MKNK2: variants seen among roughly 807,000 people sequenced by gnomAD.
MKNK2 encodes MAP kinase-interacting serine/threonine-protein kinase 2.
In MKNK2, 54 loss-of-function variants were observed where a neutral mutation model predicts 55.0. The ratio of observed to expected loss-of-function variants is 0.98; its 90% CI spans 0.79 to 1.23. The LOEUF is 1.23. Ranked by LOEUF, MKNK2 falls within the 50% of genes most tolerant of loss-of-function variation. The pLI, the probability that MKNK2 is intolerant of heterozygous loss-of-function variation, is 0.00. For missense variants in MKNK2, 685 were observed against 632.1 expected, an observed-to-expected ratio of 1.08 and a Z score of -0.90; for synonymous variants, 323 against 256.0, an observed-to-expected ratio of 1.26 and a Z score of -2.50.
intron 5 of MKNK2, among the ~76,000 whole-genome samples, chr19:2,045,665 C>T (rs1007489890): frequency 1.3e-5 from 2 of 152,174 alleles, no homozygotes; most frequent in Non-Finnish European, 2.9e-5. Flanking sequence ...GCCCGGGAGC[C>T]GGATGCCAGG....
chr19:2,038,577 G>A lies in MKNK2; in HGVS notation c.*1036C>T. The stretch of plus-strand genomic sequence containing the variant: ...GGTGGCAGACCAAAAACACTGCCCT[G>A]GGGGTGAGGATTCGGCCAGACCCCG... On this transcript the variant is annotated 3_prime_UTR_variant, in exon 14 of 14. Coordinates refer to ENST00000250896, the MANE Select transcript of MKNK2 (RefSeq NM_199054.3). The A allele has an allele frequency of 1.0e-6, 1 of 985,530 alleles. No homozygotes were observed. The highest frequency in any genetic ancestry group is 1.2e-6 in the Non-Finnish European group (1 of 829,960). The allele number at this position is 985,530 out of a possible 1,614,324, so 61.0% of individuals were successfully genotyped here. A position where few individuals can be genotyped will look rare whatever the true frequency, so the allele number is the denominator to read the frequency against.
intron 10 of MKNK2, 177 bp from the exon 11 acceptor site, chr19:2,042,211 TC>T (rs942515269): frequency 2.8e-6 from 2 of 713,406 alleles, no homozygotes; most frequent in Non-Finnish European, 4.3e-6. Context: ...AGCTCGCCCC[TC>T]CCCCGCCGCG....
intron 5 of MKNK2, among the ~76,000 whole-genome samples, chr19:2,044,579 C>T (rs2016959078): frequency 6.6e-6 from 1 of 152,260 alleles, no homozygotes; most frequent in Admixed American, 6.5e-5. Context: ...CCAGGGTTCC[C>T]TGCCCAGTGC....
Position 2,043,158 on chromosome 19 carries a change from G to A in MKNK2, c.459C>T (p.Asp153=). ...LELIEFFEEE[D]RFYLVFEKMR... ...TCTTCTCAAACACCAGGTAGAAGCG[G>A]TCCTCCTCCTCGAAGAACTCAATCA... Residue 153 remains aspartate (D), a synonymous_variant, in exon 7 of 14, where the codon GAC becomes GAT. Coordinates refer to ENST00000250896, the MANE Select transcript of MKNK2 (RefSeq NM_199054.3). The A allele has an allele frequency of 1.2e-6, 2 of 1,613,112 alleles. No homozygotes were observed. The highest frequency in any genetic ancestry group is 8.5e-7 in the Non-Finnish European group (1 of 1,179,284).
chr19:2,050,730 C>T, intron 2 of MKNK2, 71 bp downstream of exon 2: 5 of 1,421,852 alleles, frequency 3.5e-6, no homozygotes, highest in Non-Finnish European at 4.8e-6. Context: ...TAGGGGCGGG[C>T]CCCGCGCCCC....
Position 2,043,523 on chromosome 19 carries a change from C to T in MKNK2, c.399G>A (p.Leu133=), listed in dbSNP as rs764036066. The part of the protein sequence containing the change: ...RSRVFREVEM[L]YQCQGHRNVL... ...CCTACCTGTGTCCCTGGCACTGGTA[C>T]AGCATCTCCACCTCCCTGAAAACCC... The change falls in exon 6 of 14, where the codon CTG becomes CTA. Residue 133 remains leucine (L), a synonymous_variant. Coordinates refer to ENST00000250896, the MANE Select transcript of MKNK2 (RefSeq NM_199054.3). 1.1e-5 allele frequency: 18 copies of T among 1,613,918 alleles called. No individual in the cohort carries two copies. Among genetic ancestry groups the T allele is most frequent in the South Asian group, 6.6e-5 (6 of 91,084 alleles).
intron 2 of MKNK2, among the ~76,000 whole-genome samples, chr19:2,049,111 C>T (rs1238874458): frequency 2.0e-5 from 3 of 152,196 alleles, no homozygotes; most frequent in African/African-American, 4.8e-5. Context: ...TCCAACTCAG[C>T]AAAGCTACAG....
At chr19:2,046,535 C>G in intron 3 of MKNK2, 67 bp from the exon 4 acceptor site, 1 of 1,560,188 alleles carries the variant, frequency 6.4e-7, no homozygotes, top group Non-Finnish European at 8.7e-7. Flanking sequence ...CACCCCCCTG[C>G]AGGGGCTGGC....
chr19:2,039,916 G>A (rs2016839450), intron 13 of MKNK2, 60 bp from the exon 14 acceptor site: 10 of 1,542,850 alleles, frequency 6.5e-6, no homozygotes, highest in South Asian at 3.6e-5. Flanking sequence ...GACCCCTGGG[G>A]TCTGTGAAGG....
In MKNK2 at chr19:2,046,485, G is replaced by A. The variant is rs770307532; in HGVS notation, c.140-17C>T. On this transcript the variant is annotated splice_polypyrimidine_tract_variant and intron_variant, in intron 3 of 13. Transcript: ENST00000250896. ...CGGGCATGTCTGTTCCAGGAGGCAC[G>A]CCCAGGGGGCTCAGGACATGGCCCT... The A allele has an allele frequency of 1.1e-5, 17 of 1,602,410 alleles. No individual in the cohort carries two copies. Among genetic ancestry groups the A allele is most frequent in the Non-Finnish European group, 1.3e-5 (15 of 1,176,596 alleles).
chr19:2,042,876 CA>C lies in MKNK2; in HGVS notation c.494-7del. On this transcript the variant is annotated splice_polypyrimidine_tract_variant and splice_region_variant and intron_variant, in intron 7 of 13. Transcript: ENST00000250896. ...GATGTGGCTCAGGATGGAGCCTGGG[CA>C]GGGCAGGGCAGGGCAGGACAGGGGG... 4.5e-6 allele frequency: 7 copies of C among 1,556,210 alleles called. No individual in the cohort carries two copies. Among genetic ancestry groups the C allele is most frequent in the Non-Finnish European group, 6.1e-6 (7 of 1,149,900 alleles).
chr19:2,046,230 G>A lies in MKNK2; in HGVS notation c.295C>T (p.Gln99Ter), dbSNP rs2016993443. Residue 99 changes from glutamine (Q) to a stop codon, truncating the protein, a stop_gained, in exon 5 of 14, where the codon CAG (glutamine) becomes TAG (stop). Coordinates refer to ENST00000250896, the MANE Select transcript of MKNK2 (RefSeq NM_199054.3). LOFTEE classifies it high-confidence loss of function. ...CTGGTGATCAGGTTGATGCAGGTCTGCACTCGGGCATGAGCGCCCTCCCCC... is the reference window on the plus strand; with the variant it reads ...CTGGTGATCAGGTTGATGCAGGTCTACACTCGGGCATGAGCGCCCTCCCCC... ...VLGEGAHARVQTCINLITSQE... is the reference protein window; with the variant it reads ...VLGEGAHARV 1 of 1,607,638 alleles carries A rather than the reference G, an allele frequency of 6.2e-7. No individual in the cohort carries two copies. The highest frequency in any genetic ancestry group is 8.5e-7 in the Non-Finnish European group (1 of 1,179,944).
intron 2 of MKNK2, among the ~76,000 whole-genome samples, chr19:2,049,587 C>T (rs1401485748): frequency 2.0e-5 from 3 of 152,202 alleles, no homozygotes; most frequent in Non-Finnish European, 2.9e-5. Flanking sequence ...CTCGAGTCAG[C>T]AGGCCTTGGC....
Position 2,039,097 on chromosome 19 carries a change from C to T in MKNK2, c.*516G>A, listed in dbSNP as rs1367991652. The T allele has an allele frequency of 6.1e-6, 6 of 987,088 alleles. No homozygotes were observed. In the African/African-American group the frequency reaches 1.0e-4, roughly 17 times the overall value. The allele number at this position is 987,088 out of a possible 1,614,324, so 61.1% of individuals were successfully genotyped here. On this transcript the variant is annotated 3_prime_UTR_variant, in exon 14 of 14. Coordinates refer to ENST00000250896, the MANE Select transcript of MKNK2 (RefSeq NM_199054.3). ...ACAGGCAGCCCCTCCCTTCCCCAAC[C>T]AAGCCACCAGGGGTGCTCTCAGGGT...
chr19:2,040,382 C>T, intron 12 of MKNK2: 1 of 543,808 alleles, frequency 1.8e-6, no homozygotes, highest in Non-Finnish European at 3.2e-6. Flanking sequence ...CCCAGGGAAC[C>T]CGAGGCTGGG....
chr19:2,046,548 C>T (rs748493594), intron 3 of MKNK2, 56 bp downstream of exon 3: 6 of 1,555,380 alleles, frequency 3.9e-6, no homozygotes, highest in African/African-American at 2.7e-5. Flanking sequence ...GGGCTGGCCA[C>T]TGCCATGGCA....
chr19:2,040,947 C>A, intron 12 of MKNK2, 93 bp downstream of exon 12: 3 of 1,256,338 alleles, frequency 2.4e-6, no homozygotes, highest in South Asian at 1.3e-5. Flanking sequence ...CTCAGGGTGT[C>A]CAGGCTACAC....
chr19:2,042,399 G>GC (rs951136395), intron 10 of MKNK2, 28 bp downstream of exon 10: 3 of 1,546,776 alleles, frequency 1.9e-6, no homozygotes, highest in African/African-American at 1.4e-5. Flanking sequence ...AGGCGGCCGA[G>GC]CCCCCAGCCC....
chr19:2,042,897 A>AG, intron 7 of MKNK2, 27 bp from the exon 8 acceptor site: 2 of 1,548,586 alleles, frequency 1.3e-6, no homozygotes, highest in Non-Finnish European at 8.7e-7. Context: ...AGGGCAGGAC[A>AG]GGGGGAACAC....
Sources: allele counts gnomAD v4.1 joint callset (sites outside exome capture counted in the v4.1 genomes callset), GRCh38; gene constraint gnomAD v4.1.1; transcripts MANE v1.5; gene names NCBI Gene and HGNC (gene_info 2026-07-23, HGNC 2026-07-21).